The following OLFML2B variants were observed in gnomAD, a reference collection of about 807,000 sequenced individuals.
OLFML2B encodes the protein olfactomedin like 2B, also known as olfactomedin-like protein 2B.
In OLFML2B, 57 loss-of-function variants were observed where a neutral mutation model predicts 74.9. The ratio of observed to expected loss-of-function variants is 0.76; its 90% CI spans 0.61 to 0.95. The LOEUF (loss-of-function observed/expected upper bound fraction) is 0.95, where lower values mean the gene tolerates loss of function less well. Among genes scored for constraint, OLFML2B ranks in the 40% least tolerant of loss-of-function variants. The pLI, the probability that OLFML2B is intolerant of heterozygous loss-of-function variation, is 0.00. For synonymous variants in OLFML2B, 388 were observed against 405.8 expected, an observed-to-expected ratio of 0.96 and a Z score of 0.53; for missense variants, 986 against 970.6, an observed-to-expected ratio of 1.02 and a Z score of -0.21.
intron 3 of OLFML2B, among the ~76,000 whole-genome samples, chr1:162,008,155 C>T (rs1422538993): frequency 6.6e-6 from 1 of 152,188 alleles, no homozygotes; most frequent in Admixed American, 6.5e-5. Context: ...TGAAACACCT[C>T]TGCTTCAGGT....
intron 6 of OLFML2B, among the ~76,000 whole-genome samples, chr1:161,992,287 G>A (rs956418404): frequency 2.0e-5 from 3 of 152,258 alleles, no homozygotes; most frequent in Non-Finnish European, 4.4e-5. Flanking sequence ...ATTGAAGAGA[G>A]TTAGGGCCTT....
At chr1:162,014,579 C>T (rs1218561404) in intron 3 of OLFML2B, among the ~76,000 whole-genome samples, 1 of 152,238 alleles carries the variant, frequency 6.6e-6, no homozygotes, top group African/African-American at 2.4e-5. Context: ...ATTTAACTTC[C>T]ATTCCTCCTG....
At chr1:161,993,351 TG>T (rs2101952124) in intron 6 of OLFML2B, among the ~76,000 whole-genome samples, 1 of 152,164 alleles carries the variant, frequency 6.6e-6, no homozygotes, top group South Asian at 2.1e-4. Context: ...TCTCCCTCTG[TG>T]ACCCACTGTG....
At chr1:161,996,932 G>A (rs559722881) in intron 6 of OLFML2B, among the ~76,000 whole-genome samples, 1 of 152,258 alleles carries the variant, frequency 6.6e-6, no homozygotes, top group African/African-American at 2.4e-5. Context: ...CCGAGGTGGG[G>A]GGATCACAAG....
intron 3 of OLFML2B, among the ~76,000 whole-genome samples, chr1:162,008,067 G>A (rs1210838687): frequency 2.0e-5 from 3 of 152,190 alleles, no homozygotes; most frequent in Non-Finnish European, 2.9e-5. Flanking sequence ...AGTGTAATGG[G>A]TAAGAGCATG....
chr1:162,007,126 G>A (rs141296832), intron 3 of OLFML2B, among the ~76,000 whole-genome samples: 1 of 152,310 alleles, frequency 6.6e-6, no homozygotes, highest in Non-Finnish European at 1.5e-5. Flanking sequence ...GTTCATACCA[G>A]AGAAGATCAA....
chr1:162,005,083 C>G (rs1690182501), intron 4 of OLFML2B, among the ~76,000 whole-genome samples: 1 of 152,234 alleles, frequency 6.6e-6, no homozygotes, highest in Non-Finnish European at 1.5e-5. Flanking sequence ...TACCTGTTTC[C>G]TCTTCCTTTT....
chr1:161,997,806 C>G lies in OLFML2B; in HGVS notation c.1474+19G>C. On this transcript the variant is annotated intron_variant, in intron 6 of 7. Transcript: ENST00000294794. ...ACCTGAGCTGATCAGGAGACCAAGG[C>G]CAGGTACAATGAACTTACCTATGAC... The G allele has an allele frequency of 6.3e-7, 1 of 1,594,814 alleles. No individual in the cohort carries two copies. The highest frequency in any genetic ancestry group is 8.6e-7 in the Non-Finnish European group (1 of 1,167,418).
At chr1:161,990,246 G>A (rs772934704) in intron 6 of OLFML2B, among the ~76,000 whole-genome samples, 40 of 152,266 alleles carry the variant, frequency 2.6e-4, no homozygotes, top group Non-Finnish European at 4.7e-4. Context: ...TCATTTTGGT[G>A]GATTCTGCAT....
intron 4 of OLFML2B, 100 bp downstream of exon 4, chr1:162,006,197 G>GT (rs1313716273): frequency 2.6e-6 from 3 of 1,167,088 alleles, no homozygotes; most frequent in Non-Finnish European, 3.5e-6. Context: ...GCTCATCTCT[G>GT]TGAAAGGACT....
At position 161,983,609 on chromosome 1, in the gene OLFML2B, C is replaced by T. The variant is rs181973589; in HGVS notation, c.*66G>A. On this transcript the variant is annotated 3_prime_UTR_variant, in exon 8 of 8. Coordinates refer to ENST00000294794, the MANE Select transcript of OLFML2B (RefSeq NM_015441.3). ...ACACATACCCACCTACACACACGTGCGCGCACACACATACACACAAGGTGC... is the reference window on the plus strand; with the variant it reads ...ACACATACCCACCTACACACACGTGTGCGCACACACATACACACAAGGTGC... 90 of 1,515,284 alleles carry T rather than the reference C, an allele frequency of 5.9e-5. No individual in the cohort carries two copies. Among genetic ancestry groups the T allele is most frequent in the East Asian group, 1.6e-4 (7 of 43,692 alleles). 93.9% of individuals were successfully genotyped at this position (1,515,284 alleles called of 1,614,324 possible).
chr1:161,999,370 A>T (rs1347847713), intron 5 of OLFML2B, among the ~76,000 whole-genome samples: 3 of 152,094 alleles, frequency 2.0e-5, no homozygotes, highest in Non-Finnish European at 2.9e-5. Context: ...CAAATCAATG[A>T]CACAAAAAAA....
chr1:162,000,148 T>C lies in OLFML2B; in HGVS notation c.914A>G (p.Lys305Arg), dbSNP rs539842884. 5.0e-6 allele frequency: 8 copies of C among 1,608,656 alleles called. No homozygotes were observed. In the Admixed American group the frequency reaches 6.7e-5, roughly 13 times the overall value. The part of the protein sequence containing the change: ...VIRGITYYKA[K>R]VSEEENDIEE... ...AATGTCATTCTCTTCTTCAGAGACC[T>C]TGGCTTTATAGTAGGTGATGCCCCG... The change falls in exon 5 of 8, where the codon AAG becomes AGG. Residue 305 changes from lysine to arginine, a missense_variant. Lys to Arg is a conservative substitution (Grantham distance 26, BLOSUM62 2). Coordinates refer to ENST00000294794, the MANE Select transcript of OLFML2B (RefSeq NM_015441.3).
chr1:162,006,949 C>G (rs78339887), intron 3 of OLFML2B, among the ~76,000 whole-genome samples: 1 of 151,912 alleles, frequency 6.6e-6, no homozygotes, highest in Admixed American at 6.6e-5. Context: ...ACAACAACAA[C>G]AAAAAACTAC....
chr1:162,011,117 G>T (rs1410366614), intron 3 of OLFML2B, among the ~76,000 whole-genome samples: 2 of 152,276 alleles, frequency 1.3e-5, no homozygotes, highest in East Asian at 3.9e-4. Flanking sequence ...GACACCTGTG[G>T]GAGTAGACAA....
At chr1:162,002,583 A>ATT (rs760473142) in intron 4 of OLFML2B, among the ~76,000 whole-genome samples, 7 of 152,190 alleles carry the variant, frequency 4.6e-5, no homozygotes, top group Non-Finnish European at 8.8e-5. Context: ...CTGAGTCCTC[A>ATT]TTACCCCCAA....
chr1:161,984,891 G>A lies in OLFML2B; in HGVS notation c.1564C>T (p.Leu522=), dbSNP rs1689545491. The change falls in exon 7 of 8, where the codon CTG becomes TTG. Residue 522 remains leucine (L), a synonymous_variant. Coordinates refer to ENST00000294794, the MANE Select transcript of OLFML2B (RefSeq NM_015441.3). ...RNEGAWMKDP[L]AKDERIYVTN... ...ACGTAAATCCGCTCATCCTTGGCCA[G>A]GGGGTCCTTCATCCAGGCCCCTTCA... 6.2e-7 allele frequency: 1 copy of A among 1,612,368 alleles called. No individual in the cohort carries two copies.
chr1:161,984,896 T>C lies in OLFML2B; in HGVS notation c.1559A>G (p.Asp520Gly), dbSNP rs745938908. The C allele has an allele frequency of 1.2e-6, 2 of 1,611,626 alleles. No homozygotes were observed. The highest frequency in any genetic ancestry group is 1.7e-5 in the Admixed American group (1 of 59,670). ...AATCCGCTCATCCTTGGCCAGGGGGTCCTTCATCCAGGCCCCTTCATTCCG... is the reference window on the plus strand; with the variant it reads ...AATCCGCTCATCCTTGGCCAGGGGGCCCTTCATCCAGGCCCCTTCATTCCG... ...YGRNEGAWMK[D>G]PLAKDERIYV... Residue 520 changes from aspartate (D) to glycine (G), a missense_variant, in exon 7 of 8, where the codon GAC becomes GGC. Transcript: ENST00000294794.
At chr1:162,008,250 A>C (rs1394296769) in intron 3 of OLFML2B, among the ~76,000 whole-genome samples, 1 of 152,238 alleles carries the variant, frequency 6.6e-6, no homozygotes, top group Non-Finnish European at 1.5e-5. Context: ...ATGGATGTGC[A>C]TGAAACATAC....
Sources: gnomAD v4.1 joint callset for allele counts (sites outside exome capture counted in the v4.1 genomes callset) on GRCh38, gnomAD v4.1.1 for gene constraint, MANE v1.5 for transcripts, NCBI Gene and HGNC (gene_info 2026-07-23, HGNC 2026-07-21) for gene names.